The following JAKMIP1 variants were observed in gnomAD, a reference collection of about 807,000 sequenced individuals.
JAKMIP1 encodes janus kinase and microtubule-interacting protein 1.
Under a neutral mutation model 113.0 loss-of-function variants are expected in JAKMIP1, and 33 were observed. The observed-to-expected ratio is 0.29, with a 90% CI of 0.22 to 0.39. JAKMIP1 has a LOEUF of 0.39. Among genes scored for constraint, JAKMIP1 ranks in the 10% least tolerant of loss-of-function variants. The pLI, the probability that JAKMIP1 is intolerant of heterozygous loss-of-function variation, is 1.00. For missense variants in JAKMIP1, 813 were observed against 1,080.5 expected (o/e 0.75, Z 3.47); for synonymous variants, 480 against 459.9 (o/e 1.04, Z -0.56).
chr4:6,146,380 C>T (rs1720851611), intron 1 of JAKMIP1, among the ~76,000 whole-genome samples: 1 of 152,152 alleles, frequency 6.6e-6, no homozygotes, highest in Non-Finnish European at 1.5e-5. Context: ...GCAGCCTTGA[C>T]CTCTCGGGCT....
Position 6,106,585 on chromosome 4 carries a change from G to A in JAKMIP1, c.130-618C>T, listed in dbSNP as rs1178715725. On this transcript the variant is annotated intron_variant, in intron 2 of 20. Transcript: ENST00000409021. This position sits in a 1 kb window ranked among gnomAD's most constrained non-coding sequence, Gnocchi z 5.9. ...CTCTCTCTCTCCTCTGTTTTATCAT[G>A]AGGCAGCCAAAGATCAGAGACAGTC... Among the ~76,000 whole-genome samples the A allele has an allele frequency of 6.6e-6, 1 of 151,918 alleles. No individual in the cohort carries two copies. Among genetic ancestry groups the A allele is most frequent in the Non-Finnish European group, 1.5e-5 (1 of 67,998 alleles).
intron 11 of JAKMIP1, among the ~76,000 whole-genome samples, chr4:6,057,895 T>C (rs28588555): frequency 0.32 from 48,544 of 152,192 alleles, 12,762 homozygotes; most frequent in African/African-American, 0.73. Flanking sequence ...CTCCCTGAGG[T>C]GGAGGCACCT....
intron 1 of JAKMIP1, among the ~76,000 whole-genome samples, chr4:6,169,595 C>A (rs1410209449): frequency 4.3e-5 from 4 of 92,302 alleles, no homozygotes; most frequent in African/African-American, 2.2e-4. Context: ...TACACCAGCC[C>A]TAGGAAATTG....
chr4:6,137,674 A>C lies in JAKMIP1; in HGVS notation c.-147-24677T>G, dbSNP rs1719446486. On this transcript the variant is annotated intron_variant, in intron 1 of 20. Transcript: ENST00000409021. This position sits in a 1 kb window ranked among gnomAD's most constrained non-coding sequence, Gnocchi z 4.5. ...CCTGAAATGCGGAGGCTAAAGAGCC[A>C]CAAACCATATCTCTGAGACTCCCTT... Among the ~76,000 whole-genome samples, 1 of 152,262 alleles carries C rather than the reference A, an allele frequency of 6.6e-6. No individual in the cohort carries two copies. The highest frequency in any genetic ancestry group is 1.5e-5 in the Non-Finnish European group (1 of 68,052).
Position 6,181,489 on chromosome 4 carries a change from C to T in JAKMIP1, c.-148+18764G>A, listed in dbSNP as rs1312489423. ...TCCCTCAATGTCTCAGTGGCTCCCC[C>T]ATCCCTTGAGGAGCTCCTAGCCAAG... is the stretch of plus-strand genomic sequence containing the variant. On this transcript the variant is annotated intron_variant, in intron 1 of 20. Transcript: ENST00000409021. The surrounding 1 kb of genome is among the most constrained non-coding windows in gnomAD (Gnocchi z 5.4). 6.6e-6 allele frequency among the ~76,000 whole-genome samples: 1 copy of T among 152,150 alleles called. No homozygotes were observed. The highest frequency in any genetic ancestry group is 1.5e-5 in the Non-Finnish European group (1 of 68,032).
Position 6,050,269 on chromosome 4 carries a change from A to G in JAKMIP1, c.1908+309T>C, listed in dbSNP as rs190178988. The stretch of plus-strand genomic sequence containing the variant: ...CATGATGTGTCATCACCCCAGCTTC[A>G]CGGTGTGGGTATTGTCATTTGGATT... On this transcript the variant is annotated intron_variant, in intron 14 of 20. Coordinates refer to ENST00000409021, the MANE Select transcript of JAKMIP1 (RefSeq NM_001099433.2). This position sits in a 1 kb window ranked among gnomAD's most constrained non-coding sequence, Gnocchi z 7.4. Among the ~76,000 whole-genome samples, 139 of 152,300 alleles carry G rather than the reference A, an allele frequency of 9.1e-4. No homozygotes were observed. The highest frequency in any genetic ancestry group is 3.2e-3 in the African/African-American group (135 of 41,578).
Position 6,187,095 on chromosome 4 carries a change from G to C in JAKMIP1, c.-148+13158C>G, listed in dbSNP as rs537823545. 1.3e-5 allele frequency among the ~76,000 whole-genome samples: 2 copies of C among 152,258 alleles called. No individual in the cohort carries two copies. Among genetic ancestry groups the C allele is most frequent in the East Asian group, 3.9e-4 (2 of 5,176 alleles). On this transcript the variant is annotated intron_variant, in intron 1 of 20. Transcript: ENST00000409021. The surrounding 1 kb of genome is among the most constrained non-coding windows in gnomAD (Gnocchi z 4.2). ...TCTGCCCACCTCAGCCTCTCAAAATGCTAGGATTTCAGGCATGAGCCACCA... is the reference window on the plus strand; with the variant it reads ...TCTGCCCACCTCAGCCTCTCAAAATCCTAGGATTTCAGGCATGAGCCACCA...
Position 6,086,196 on chromosome 4 carries a change from C to G in JAKMIP1, c.625-567G>C, listed in dbSNP as rs1721282584. Among the ~76,000 whole-genome samples the G allele has an allele frequency of 6.6e-6, 1 of 152,190 alleles. No homozygotes were observed. Among genetic ancestry groups the G allele is most frequent in the Non-Finnish European group, 1.5e-5 (1 of 68,026 alleles). ...CTCCTGCTCCCTCTCCCCAAGGCCA[C>G]TTCCCATGGTTTCTATCTTCTTTAT... On this transcript the variant is annotated intron_variant, in intron 3 of 20. Transcript: ENST00000409021. The surrounding 1 kb of genome is among the most constrained non-coding windows in gnomAD (Gnocchi z 4.1).
In JAKMIP1 at chr4:6,136,536, A is replaced by G. The variant is rs542970318; in HGVS notation, c.-147-23539T>C. On this transcript the variant is annotated intron_variant, in intron 1 of 20. Coordinates refer to ENST00000409021, the MANE Select transcript of JAKMIP1 (RefSeq NM_001099433.2). The surrounding 1 kb of genome is among the most constrained non-coding windows in gnomAD (Gnocchi z 5.9). ...TCGCTTCCCATATTTTGTATCTGAGACAATTTGGGCACTGAGCGACTAAGT... is the reference window on the plus strand; with the variant it reads ...TCGCTTCCCATATTTTGTATCTGAGGCAATTTGGGCACTGAGCGACTAAGT... Among the ~76,000 whole-genome samples, 6 of 152,210 alleles carry G rather than the reference A, an allele frequency of 3.9e-5. No individual in the cohort carries two copies. In the East Asian group the frequency reaches 1.2e-3, roughly 29 times the overall value.
chr4:6,067,620 T>C lies in JAKMIP1; in HGVS notation c.1303-2612A>G, dbSNP rs1249268990. On this transcript the variant is annotated intron_variant, in intron 8 of 20. Coordinates refer to ENST00000409021, the MANE Select transcript of JAKMIP1 (RefSeq NM_001099433.2). The surrounding 1 kb of genome is among the most constrained non-coding windows in gnomAD (Gnocchi z 4.6). The stretch of plus-strand genomic sequence containing the variant: ...GCACACACAGGTCACCCCCCTGAGC[T>C]CCAGGTTCACTCAAGCTCTTCTGCA... Among the ~76,000 whole-genome samples, 2 of 148,420 alleles carry C rather than the reference T, an allele frequency of 1.3e-5. No homozygotes were observed. Among genetic ancestry groups the C allele is most frequent in the African/African-American group, 4.9e-5 (2 of 40,510 alleles).
intron 1 of JAKMIP1, among the ~76,000 whole-genome samples, chr4:6,177,188 G>GA (rs1244766922): frequency 3.3e-5 from 5 of 152,104 alleles, no homozygotes; most frequent in African/African-American, 1.2e-4. Flanking sequence ...TTCCCAAAGG[G>GA]AAAAAACACT....
At position 6,050,707 on chromosome 4, in the gene JAKMIP1, G is replaced by GA. The variant is rs1715550993; in HGVS notation, c.1807-29dup. The GA allele has an allele frequency of 6.7e-7, 1 of 1,503,468 alleles. No homozygotes were observed. The highest frequency in any genetic ancestry group is 2.5e-5 in the East Asian group (1 of 40,734). 93.1% of individuals were successfully genotyped at this position (1,503,468 alleles called of 1,614,324 possible). ...GGGGAAAAGATTCGGTTTAAAAACA[G>GA]AATGTGACCGGATTATTTACCACTT... On this transcript the variant is annotated intron_variant, in intron 13 of 20. Coordinates refer to ENST00000409021, the MANE Select transcript of JAKMIP1 (RefSeq NM_001099433.2). This position sits in a 1 kb window ranked among gnomAD's most constrained non-coding sequence, Gnocchi z 7.4.
Position 6,040,490 on chromosome 4 carries a change from T to A in JAKMIP1, c.2175+149A>T. 1.4e-6 allele frequency: 1 copy of A among 710,428 alleles called. No individual in the cohort carries two copies. The highest frequency in any genetic ancestry group is 2.0e-5 in the Admixed American group (1 of 49,724). The allele number at this position is 710,428 out of a possible 1,614,324, so 44.0% of individuals were successfully genotyped here. The stretch of plus-strand genomic sequence containing the variant: ...TTGGAAAAAGGGACAGTCTGTACGG[T>A]CATTCCAGTCACAAGGTGGAGATGG... On this transcript the variant is annotated intron_variant, in intron 18 of 20. Transcript: ENST00000409021. The surrounding 1 kb of genome is among the most constrained non-coding windows in gnomAD (Gnocchi z 5.8).
Position 6,145,846 on chromosome 4 carries a change from C to T in JAKMIP1, c.-147-32849G>A, listed in dbSNP as rs115652383. On this transcript the variant is annotated intron_variant, in intron 1 of 20. Coordinates refer to ENST00000409021, the MANE Select transcript of JAKMIP1 (RefSeq NM_001099433.2). ...TCTGTGTATGTCCATGTCCTAATAT[C>T]TCCTCATAATCACACCAGTCATATT... is the stretch of plus-strand genomic sequence containing the variant. 6.0e-4 allele frequency among the ~76,000 whole-genome samples: 91 copies of T among 152,266 alleles called. 4 individuals are homozygous for T. The highest frequency in any genetic ancestry group is 2.1e-3 in the African/African-American group (87 of 41,556).
At chr4:6,133,460 C>T (rs924989667) in intron 1 of JAKMIP1, among the ~76,000 whole-genome samples, 5 of 152,152 alleles carry the variant, frequency 3.3e-5, no homozygotes, top group Non-Finnish European at 7.4e-5. Context: ...CCTTAAAAAG[C>T]AAATGAACAA....
At chr4:6,054,281 G>T in intron 12 of JAKMIP1, 133 bp from the exon 13 acceptor site, 1 of 812,838 alleles carries the variant, frequency 1.2e-6, no homozygotes, top group Non-Finnish European at 2.0e-6. Context: ...AGAGGGCAGG[G>T]TTTGCAGCAA....
At chr4:6,147,006 T>C (rs897747617) in intron 1 of JAKMIP1, among the ~76,000 whole-genome samples, 1 of 152,194 alleles carries the variant, frequency 6.6e-6, no homozygotes, top group Non-Finnish European at 1.5e-5. Context: ...TTGCCCAGGC[T>C]GGAGTGCAAT....
At chr4:6,195,719 C>G (rs946892283) in intron 1 of JAKMIP1, among the ~76,000 whole-genome samples, 1 of 152,226 alleles carries the variant, frequency 6.6e-6, no homozygotes, top group African/African-American at 2.4e-5. Flanking sequence ...AGGTGTGCGC[C>G]TCCCTCTGGG....
At chr4:6,092,056 T>C (rs892330177) in intron 3 of JAKMIP1, among the ~76,000 whole-genome samples, 1 of 152,104 alleles carries the variant, frequency 6.6e-6, no homozygotes, top group Non-Finnish European at 1.5e-5. Flanking sequence ...GCGGAATAAA[T>C]GAATATATCA....
Sources: allele counts gnomAD v4.1 joint callset (sites outside exome capture counted in the v4.1 genomes callset), GRCh38; gene constraint gnomAD v4.1.1; non-coding constraint Gnocchi (gnomAD v3.1); transcripts MANE v1.5; gene names NCBI Gene and HGNC (gene_info 2026-07-23, HGNC 2026-07-21).